EBF1: variants seen among roughly 807,000 people sequenced by gnomAD.
EBF1 encodes EBF transcription factor 1, also known as transcription factor COE1.
In EBF1, 10 loss-of-function variants were observed where a neutral mutation model predicts 68.4. The ratio of observed to expected loss-of-function variants is 0.15; its 90% confidence interval spans 0.09 to 0.25. The LOEUF is 0.25. EBF1 is among the 10% of genes least tolerant of loss of function. The pLI is 1.00. For missense variants in EBF1, 509 were observed against 794.4 expected (o/e 0.64, Z 4.32); for synonymous variants, 298 against 299.8 (o/e 0.99, Z 0.06).
At chr5:158,810,622 A>G (rs1394627533) in intron 8 of EBF1, among the ~76,000 whole-genome samples, 1 of 152,290 alleles carries the variant, frequency 6.6e-6, no homozygotes, top group East Asian at 1.9e-4. Flanking sequence ...AACAACTGGT[A>G]TCCTGCTGAT....
At chr5:158,867,770 G>T (rs192846162) in intron 6 of EBF1, among the ~76,000 whole-genome samples, 2 of 152,010 alleles carry the variant, frequency 1.3e-5, no homozygotes, top group Non-Finnish European at 2.9e-5. Flanking sequence ...TCCTATCTTA[G>T]CTTCAGAGCT....
chr5:158,904,786 T>C (rs1804194544), intron 6 of EBF1, among the ~76,000 whole-genome samples: 1 of 152,256 alleles, frequency 6.6e-6, no homozygotes, highest in South Asian at 2.1e-4. Flanking sequence ...ACAAGGCACA[T>C]GCTCGCCGGT....
intron 6 of EBF1, among the ~76,000 whole-genome samples, chr5:158,944,154 G>A (rs191928895): frequency 2.0e-5 from 3 of 152,220 alleles, no homozygotes; most frequent in East Asian, 1.9e-4. Flanking sequence ...CATGTGCCAT[G>A]GTGGTTTGCT....
chr5:159,031,820 C>A (rs1439696803), intron 6 of EBF1, among the ~76,000 whole-genome samples: 2 of 152,104 alleles, frequency 1.3e-5, no homozygotes, highest in Admixed American at 6.5e-5. Context: ...TAAATCTAAC[C>A]CAGCAATGAA....
At chr5:158,789,640 G>A (rs1273803614) in intron 9 of EBF1, among the ~76,000 whole-genome samples, 2 of 152,150 alleles carry the variant, frequency 1.3e-5, no homozygotes, top group African/African-American at 4.8e-5. Context: ...CCCAGGACAA[G>A]CCACCCTACC....
intron 4 of EBF1, 63 bp from the exon 5 acceptor site, chr5:159,084,802 C>T: frequency 2.4e-6 from 3 of 1,269,800 alleles, no homozygotes; most frequent in Non-Finnish European, 3.3e-6. Flanking sequence ...AAAAAAAAAT[C>T]ACAATTGAGT....
At chr5:158,875,456 T>C (rs1036591526) in intron 6 of EBF1, among the ~76,000 whole-genome samples, 2 of 152,292 alleles carry the variant, frequency 1.3e-5, no homozygotes, top group Non-Finnish European at 2.9e-5. Context: ...CTCATATACA[T>C]AAGCTTTTAT....
At chr5:158,822,724 C>G (rs1166479973) in intron 8 of EBF1, among the ~76,000 whole-genome samples, 2 of 152,170 alleles carry the variant, frequency 1.3e-5, no homozygotes, top group African/African-American at 4.8e-5. Flanking sequence ...CAGAGATACA[C>G]CAGGAGGGTG....
At chr5:159,059,491 A>G (rs962506447) in intron 6 of EBF1, among the ~76,000 whole-genome samples, 56 of 152,246 alleles carry the variant, frequency 3.7e-4, no homozygotes, top group African/African-American at 1.3e-3. Flanking sequence ...CTGTCTGAGA[A>G]TTCTCAGGAA....
chr5:158,750,134 CA>C (rs1241726928), intron 10 of EBF1, among the ~76,000 whole-genome samples: 1 of 152,118 alleles, frequency 6.6e-6, no homozygotes. Context: ...GATACAAAAA[CA>C]TTGAAAGAGA....
In EBF1 at chr5:158,967,331, G is replaced by A. The variant is rs1006642768; in HGVS notation, c.554+106065C>T. Among the ~76,000 whole-genome samples, 3 of 152,130 alleles carry A rather than the reference G, an allele frequency of 2.0e-5. No individual in the cohort carries two copies. In the East Asian group the frequency reaches 5.8e-4, roughly 29 times the overall value. ...AAACTAAAATACAAGTTTCATTCTG[G>A]AATTATGGACCAGAATCAATATGTA... On this transcript the variant is annotated intron_variant, in intron 6 of 15. Coordinates refer to ENST00000313708, the MANE Select transcript of EBF1 (RefSeq NM_024007.5).
At chr5:158,853,901 A>G (rs1369785246) in intron 6 of EBF1, among the ~76,000 whole-genome samples, 1 of 152,214 alleles carries the variant, frequency 6.6e-6, no homozygotes, top group Non-Finnish European at 1.5e-5. Flanking sequence ...AGGTCAATCA[A>G]TGAGTGAACT....
chr5:159,043,740 A>G (rs1254906717), intron 6 of EBF1, among the ~76,000 whole-genome samples: 1 of 152,248 alleles, frequency 6.6e-6, no homozygotes. Context: ...AATGGTAGCA[A>G]CAAAACCATA....
At chr5:159,050,119 G>A (rs930552209) in intron 6 of EBF1, among the ~76,000 whole-genome samples, 5 of 151,784 alleles carry the variant, frequency 3.3e-5, no homozygotes, top group Admixed American at 6.6e-5. Flanking sequence ...AGGGGACAGC[G>A]GGGAGAGAAG....
rs1400686608 is a variant in EBF1, at chr5:159,069,666, T to C, written c.554+3730A>G. 2.0e-5 allele frequency among the ~76,000 whole-genome samples: 3 copies of C among 152,292 alleles called. No individual in the cohort carries two copies. In the East Asian group the frequency reaches 5.8e-4, roughly 29 times the overall value. ...TTTAATAGATGCAGAAAAACTGGGT[T>C]CCCAATTCAGACTACCCTATGTGAC... On this transcript the variant is annotated intron_variant, in intron 6 of 15. Coordinates refer to ENST00000313708, the MANE Select transcript of EBF1 (RefSeq NM_024007.5).
chr5:158,891,584 T>C (rs977946494), intron 6 of EBF1, among the ~76,000 whole-genome samples: 20 of 152,162 alleles, frequency 1.3e-4, no homozygotes, highest in African/African-American at 4.8e-4. Flanking sequence ...TCTGGTAATT[T>C]TCCTTCTTAG....
intron 4 of EBF1, among the ~76,000 whole-genome samples, chr5:159,089,528 C>T (rs1247027785): frequency 7.9e-5 from 12 of 152,044 alleles, no homozygotes; most frequent in Non-Finnish European, 1.3e-4. Flanking sequence ...GAATGTACAC[C>T]GGGATCACAC....
chr5:158,880,655 C>T (rs941688620), intron 6 of EBF1, among the ~76,000 whole-genome samples: 3 of 152,144 alleles, frequency 2.0e-5, no homozygotes, highest in African/African-American at 4.8e-5. Context: ...AATAGCTAAC[C>T]GGCCAACAGA....
chr5:158,727,921 TG>T (rs1472510793), intron 11 of EBF1, among the ~76,000 whole-genome samples: 1 of 152,200 alleles, frequency 6.6e-6, no homozygotes, highest in Non-Finnish European at 1.5e-5. Context: ...ACAGAATGTG[TG>T]GGTGGTTGTA....
Sources: gnomAD v4.1 joint callset for allele counts (sites outside exome capture counted in the v4.1 genomes callset) on GRCh38, gnomAD v4.1.1 for gene constraint, MANE v1.5 for transcripts, NCBI Gene and HGNC (gene_info 2026-07-23, HGNC 2026-07-21) for gene names.